Variants in NCKAP5 observed in about 807,000 individuals in gnomAD.
The protein encoded by NCKAP5 is nck-associated protein 5.
NCKAP5 carries 92 observed loss-of-function variants against 167.0 expected under a neutral mutation model. The observed-to-expected ratio is 0.55, with a 90% CI of 0.47 to 0.66. The LOEUF is 0.66. Ranked by LOEUF, NCKAP5 falls within the 30% of genes least tolerant of loss-of-function variation. The pLI is 0.00. For missense variants in NCKAP5, 2,378 were observed against 2,315.0 expected (o/e 1.03, Z -0.56); for synonymous variants, 891 against 877.4 (o/e 1.02, Z -0.27).
intron 3 of NCKAP5, among the ~76,000 whole-genome samples, chr2:133,463,772 G>A (rs2151243706): frequency 6.6e-6 from 1 of 152,268 alleles, no homozygotes; most frequent in Non-Finnish European, 1.5e-5. Flanking sequence ...ATTTTACATG[G>A]CAACAACTCT....
chr2:132,977,593 A>G (rs183330764), intron 7 of NCKAP5, among the ~76,000 whole-genome samples: 4 of 152,340 alleles, frequency 2.6e-5, no homozygotes, highest in Non-Finnish European at 4.4e-5. Flanking sequence ...ACCAGGGGTT[A>G]CCTAAAAGAA....
chr2:133,625,512 G>A, the NCKAP5 span, among the ~76,000 whole-genome samples: 1 of 152,122 alleles, frequency 6.6e-6, no homozygotes, highest in Non-Finnish European at 1.5e-5. Flanking sequence ...AGAAAGCAAG[G>A]AAGCCTTCAA....
At chr2:132,776,858 G>C (rs1682595601) in intron 15 of NCKAP5, among the ~76,000 whole-genome samples, 1 of 152,074 alleles carries the variant, frequency 6.6e-6, no homozygotes, top group African/African-American at 2.4e-5. Flanking sequence ...GTTTTCCCGG[G>C]AGTAAGAGGG....
intron 6 of NCKAP5, among the ~76,000 whole-genome samples, chr2:133,093,313 G>A (rs1276345716): frequency 2.0e-5 from 3 of 152,096 alleles, no homozygotes; most frequent in Non-Finnish European, 2.9e-5. Context: ...TATTTTTCTT[G>A]CAGATTATTC....
intron 3 of NCKAP5, among the ~76,000 whole-genome samples, chr2:133,426,184 A>C (rs1475206335): frequency 6.6e-6 from 1 of 151,932 alleles, no homozygotes; most frequent in Non-Finnish European, 1.5e-5. Context: ...GCAGGAGAAT[A>C]GCTTGAACCC....
At chr2:132,975,292 T>C (rs1384665475) in intron 7 of NCKAP5, among the ~76,000 whole-genome samples, 1 of 152,188 alleles carries the variant, frequency 6.6e-6, no homozygotes, top group Non-Finnish European at 1.5e-5. Context: ...ATGTGTATGA[T>C]GGATAAGAGA....
chr2:132,712,297 C>A (rs1184252979), intron 19 of NCKAP5, among the ~76,000 whole-genome samples: 1 of 152,194 alleles, frequency 6.6e-6, no homozygotes, highest in African/African-American at 2.4e-5. Context: ...TTCTTCAAGA[C>A]TCACCTCAAG....
At chr2:133,471,618 T>C (rs1679326547) in intron 3 of NCKAP5, among the ~76,000 whole-genome samples, 1 of 152,150 alleles carries the variant, frequency 6.6e-6, no homozygotes, top group Non-Finnish European at 1.5e-5. Context: ...CCTTGGGTGA[T>C]CTCCTGATAA....
intron 3 of NCKAP5, among the ~76,000 whole-genome samples, chr2:133,506,574 C>T (rs1429193231): frequency 2.0e-5 from 3 of 152,164 alleles, no homozygotes; most frequent in African/African-American, 7.2e-5. Context: ...TGCTGCAGGG[C>T]CAGCACGGTT....
chr2:133,278,153 A>C (rs1182699812), intron 4 of NCKAP5, among the ~76,000 whole-genome samples: 1 of 152,190 alleles, frequency 6.6e-6, no homozygotes, highest in East Asian at 1.9e-4. Context: ...AAAATTTTTA[A>C]AATAGTATGG....
At chr2:132,734,866 G>T (rs1010871175) in intron 16 of NCKAP5, among the ~76,000 whole-genome samples, 1 of 152,208 alleles carries the variant, frequency 6.6e-6, no homozygotes, top group African/African-American at 2.4e-5. Flanking sequence ...AAACCCCAAA[G>T]TGGGCTCTGC....
At chr2:133,610,505 A>G in the NCKAP5 span, among the ~76,000 whole-genome samples, 1 of 152,206 alleles carries the variant, frequency 6.6e-6, no homozygotes. Flanking sequence ...CATGGAACAT[A>G]ACAATTAGTA....
intron 8 of NCKAP5, among the ~76,000 whole-genome samples, chr2:132,938,416 A>G (rs959261953): frequency 2.6e-4 from 39 of 152,226 alleles, no homozygotes; most frequent in African/African-American, 8.9e-4. Flanking sequence ...TGGTATTTTC[A>G]GAGTAATCCA....
chr2:133,197,476 A>C (rs958342376), intron 5 of NCKAP5, among the ~76,000 whole-genome samples: 1 of 152,212 alleles, frequency 6.6e-6, no homozygotes, highest in East Asian at 1.9e-4. Flanking sequence ...GAATACCATA[A>C]TACAATATCC....
intron 3 of NCKAP5, among the ~76,000 whole-genome samples, chr2:133,502,584 CT>C (rs1211737673): frequency 6.6e-6 from 1 of 152,118 alleles, no homozygotes; most frequent in Non-Finnish European, 1.5e-5. Context: ...TGCCATATGT[CT>C]ACATCATATC....
At chr2:132,754,549 C>A (rs1377320085) in intron 16 of NCKAP5, among the ~76,000 whole-genome samples, 1 of 152,206 alleles carries the variant, frequency 6.6e-6, no homozygotes, top group Non-Finnish European at 1.5e-5. Flanking sequence ...ACCAAATGCT[C>A]AGGGGAATCC....
At chr2:133,376,949 C>A (rs2150933078) in intron 3 of NCKAP5, among the ~76,000 whole-genome samples, 1 of 152,132 alleles carries the variant, frequency 6.6e-6, no homozygotes, top group East Asian at 1.9e-4. Context: ...TGTAGAGAGG[C>A]CCAAAAGAAA....
At chr2:133,368,113 C>A (rs1200083791) in intron 3 of NCKAP5, among the ~76,000 whole-genome samples, 1 of 152,142 alleles carries the variant, frequency 6.6e-6, no homozygotes, top group Non-Finnish European at 1.5e-5. Flanking sequence ...GTCACATGCC[C>A]TTTTCAGCAG....
At chr2:132,725,589 G>C in intron 19 of NCKAP5, 38 bp downstream of exon 19, 1 of 1,583,390 alleles carries the variant, frequency 6.3e-7, no homozygotes, top group South Asian at 1.2e-5. Context: ...TTCCCAGAGA[G>C]AGGAACCTGC....
Sources: allele counts gnomAD v4.1 joint callset (sites outside exome capture counted in the v4.1 genomes callset), GRCh38; gene constraint gnomAD v4.1.1; transcripts MANE v1.5; gene names NCBI Gene and HGNC (gene_info 2026-07-23, HGNC 2026-07-21).